The following TBC1D8 variants were observed in gnomAD, a reference collection of about 807,000 sequenced individuals.
TBC1D8 encodes BUB2-like protein 1.
Under a neutral mutation model 118.8 loss-of-function variants are expected in TBC1D8, and 65 were observed. That is an observed-to-expected ratio of 0.55 (90% CI 0.45 to 0.67). TBC1D8 has a LOEUF of 0.67. TBC1D8 is among the 30% of genes least tolerant of loss of function. The probability of loss-of-function intolerance (pLI) is 0.00; values close to 1 mark genes in which losing one functional copy is unlikely to be tolerated. For missense variants in TBC1D8, 1,376 were observed against 1,471.2 expected, an observed-to-expected ratio of 0.94 and a Z score of 1.06; for synonymous variants, 566 against 595.8, an observed-to-expected ratio of 0.95 and a Z score of 0.73.
rs528742122 is a variant in TBC1D8 at position 101,007,431 on chromosome 2, C to CTTGA, written c.*386_*389dup. ...GACTCCCTTAGATCTTGAAAGTGAA[C>CTTGA]TTGATTCCTGACCTCTCCCATTGTC... is the stretch of plus-strand genomic sequence containing the variant. On this transcript the variant is annotated 3_prime_UTR_variant, in exon 20 of 20. Transcript: ENST00000409318. Among the ~76,000 whole-genome samples, 631 of 152,260 alleles carry CTTGA rather than the reference C, an allele frequency of 4.1e-3. 3 individuals carry two copies. The highest frequency in any genetic ancestry group is 0.019 in the South Asian group (92 of 4,826).
chr2:101,027,501 C>T, intron 14 of TBC1D8, 50 bp from the exon 15 acceptor site: 1 of 1,550,712 alleles, frequency 6.4e-7, no homozygotes, highest in South Asian at 1.1e-5. Flanking sequence ...CCTGCACCCC[C>T]AGGGGTCAGG....
chr2:101,127,094 T>C (rs1400698510), intron 1 of TBC1D8, among the ~76,000 whole-genome samples: 1 of 152,140 alleles, frequency 6.6e-6, no homozygotes, highest in African/African-American at 2.4e-5. Context: ...TCCAGCACTC[T>C]GGGAGGCCGA....
At chr2:101,118,062 T>C (rs1237466780) in intron 1 of TBC1D8, among the ~76,000 whole-genome samples, 1 of 151,954 alleles carries the variant, frequency 6.6e-6, no homozygotes, top group African/African-American at 2.4e-5. Context: ...GCCACTCTTA[T>C]CACATCCATC....
chr2:101,118,512 C>G (rs574845515), intron 1 of TBC1D8, among the ~76,000 whole-genome samples: 1 of 151,354 alleles, frequency 6.6e-6, no homozygotes, highest in South Asian at 2.1e-4. Context: ...CTGGCTAACA[C>G]GGTGAAACCC....
intron 2 of TBC1D8, among the ~76,000 whole-genome samples, chr2:101,060,066 C>T (rs1247309071): frequency 6.6e-6 from 1 of 152,244 alleles, no homozygotes; most frequent in East Asian, 1.9e-4. Flanking sequence ...CTCCCACTGC[C>T]ACAAAGATGG....
chr2:101,059,410 A>G lies in TBC1D8; in HGVS notation c.402+11T>C. The G allele has an allele frequency of 6.3e-7, 1 of 1,592,004 alleles. No individual in the cohort carries two copies. On this transcript the variant is annotated intron_variant, in intron 3 of 19. Coordinates refer to ENST00000409318, the MANE Select transcript of TBC1D8 (RefSeq NM_001330348.2). ...AAAGATGGGGAGAAACATGAAACTCAGGGGACCTACCTTTACCTTCCCTTT... is the reference window on the plus strand; with the variant it reads ...AAAGATGGGGAGAAACATGAAACTCGGGGGACCTACCTTTACCTTCCCTTT...
At chr2:101,018,045 C>T (rs1297587191) in intron 17 of TBC1D8, 7 of 1,015,226 alleles carry the variant, frequency 6.9e-6, no homozygotes, top group Non-Finnish European at 1.0e-5. Context: ...CCCTTTTTCA[C>T]TGACAAATGT....
chr2:101,054,061 C>G, intron 4 of TBC1D8, 47 bp downstream of exon 4: 1 of 1,551,924 alleles, frequency 6.4e-7, no homozygotes, highest in Non-Finnish European at 8.8e-7. Flanking sequence ...AGCGCTGAGT[C>G]CCTGGGGCCA....
intron 1 of TBC1D8, among the ~76,000 whole-genome samples, chr2:101,112,329 A>G (rs1384312667): frequency 6.6e-6 from 1 of 152,202 alleles, no homozygotes; most frequent in Non-Finnish European, 1.5e-5. Flanking sequence ...CAGCGAATCT[A>G]TCCACTTGGC....
At chr2:101,085,266 T>C (rs1000652672) in intron 2 of TBC1D8, among the ~76,000 whole-genome samples, 1 of 151,812 alleles carries the variant, frequency 6.6e-6, no homozygotes. Flanking sequence ...AGCCACAGAG[T>C]TGAATGCTGT....
At chr2:101,038,272 C>T (rs1164041200) in intron 7 of TBC1D8, among the ~76,000 whole-genome samples, 189 bp downstream of exon 7, 1 of 152,150 alleles carries the variant, frequency 6.6e-6, no homozygotes, top group Non-Finnish European at 1.5e-5. Context: ...GACCCCGTCA[C>T]CCCCTCCAAG....
At chr2:101,079,991 C>T (rs2105446357) in intron 2 of TBC1D8, among the ~76,000 whole-genome samples, 1 of 152,026 alleles carries the variant, frequency 6.6e-6, no homozygotes, top group South Asian at 2.1e-4. Flanking sequence ...CAGCCCCAAC[C>T]AGGTCCAGTC....
intron 1 of TBC1D8, among the ~76,000 whole-genome samples, chr2:101,117,156 A>G (rs1677857444): frequency 6.6e-6 from 1 of 152,120 alleles, no homozygotes; most frequent in Non-Finnish European, 1.5e-5. Context: ...CAAGGCAAGG[A>G]AGAACTCCCC....
At chr2:101,119,104 T>C (rs1363608614) in intron 1 of TBC1D8, among the ~76,000 whole-genome samples, 5 of 152,178 alleles carry the variant, frequency 3.3e-5, no homozygotes, top group African/African-American at 4.8e-5. Context: ...ACAAAAATCA[T>C]AGCATTTCTA....
intron 9 of TBC1D8, 151 bp downstream of exon 9, chr2:101,035,867 G>T: frequency 1.1e-6 from 1 of 933,554 alleles, no homozygotes. Context: ...GACACAACAG[G>T]GAGTGGAAGT....
At chr2:101,072,169 T>C (rs1357218561) in intron 2 of TBC1D8, among the ~76,000 whole-genome samples, 1 of 152,210 alleles carries the variant, frequency 6.6e-6, no homozygotes, top group African/African-American at 2.4e-5. Flanking sequence ...GGTATGTTAA[T>C]CTGTTTGCAC....
At chr2:101,066,739 G>A (rs181573366) in intron 2 of TBC1D8, among the ~76,000 whole-genome samples, 71 of 152,236 alleles carry the variant, frequency 4.7e-4, no homozygotes, top group African/African-American at 1.6e-3. Context: ...AAGGTCAGGA[G>A]TTTGAGACCA....
At chr2:101,015,493 G>A (rs1486403410) in intron 17 of TBC1D8, among the ~76,000 whole-genome samples, 1 of 152,136 alleles carries the variant, frequency 6.6e-6, no homozygotes, top group Non-Finnish European at 1.5e-5. Flanking sequence ...TGACTCTTTT[G>A]TAATAACACT....
Position 101,146,376 on chromosome 2 carries a change from G to C in TBC1D8, c.127+4751C>G, listed in dbSNP as rs533776472. 2.0e-5 allele frequency among the ~76,000 whole-genome samples: 3 copies of C among 152,294 alleles called. No homozygotes were observed. The East Asian group carries it at 5.8e-4, about 29-fold the overall frequency. The stretch of plus-strand genomic sequence containing the variant: ...AGCCCATCACTACTACAAATGCAAT[G>C]ACAGGAACAGGGACTTAAGGTAACC... On this transcript the variant is annotated intron_variant, in intron 1 of 19. Transcript: ENST00000409318.
Sources: allele counts gnomAD v4.1 joint callset (sites outside exome capture counted in the v4.1 genomes callset), GRCh38; gene constraint gnomAD v4.1.1; transcripts MANE v1.5; gene names NCBI Gene and HGNC (gene_info 2026-07-23, HGNC 2026-07-21).